Variants in ITGAE observed in about 807,000 individuals in gnomAD.
ITGAE encodes the protein integrin subunit alpha E, also known as integrin alpha-E.
A neutral mutation model predicts 136.5 loss-of-function variants in ITGAE; 99 were observed. The observed-to-expected ratio is 0.73, with a 90% CI of 0.62 to 0.86. The LOEUF (loss-of-function observed/expected upper bound fraction) is 0.86, where lower values mean the gene tolerates loss of function less well. Among genes scored for constraint, ITGAE ranks in the 40% least tolerant of loss-of-function variants. The pLI, the probability that ITGAE is intolerant of heterozygous loss-of-function variation, is 0.00. For synonymous variants in ITGAE, 613 were observed against 591.8 expected, an observed-to-expected ratio of 1.04 and a Z score of -0.52; for missense variants, 1,447 against 1,515.3, an observed-to-expected ratio of 0.95 and a Z score of 0.75.
rs1168470112 is a variant in ITGAE, at chr17:3,745,934, A to G, written c.2156-7T>C. ...AGAAGTGCCTCGCGGAGGCCTGGGA[A>G]TGAAGACCAGACCTTCCCGATGAGG... On this transcript the variant is annotated splice_region_variant and splice_polypyrimidine_tract_variant and intron_variant, in intron 17 of 30. Coordinates refer to ENST00000263087, the MANE Select transcript of ITGAE (RefSeq NM_002208.5). 3.7e-6 allele frequency: 6 copies of G among 1,612,602 alleles called. No individual in the cohort carries two copies. The highest frequency in any genetic ancestry group is 5.1e-6 in the Non-Finnish European group (6 of 1,179,430).
At chr17:3,740,790 T>A (rs886095778) in intron 19 of ITGAE, among the ~76,000 whole-genome samples, 11 of 152,256 alleles carry the variant, frequency 7.2e-5, no homozygotes, top group African/African-American at 2.4e-4. Context: ...TTCGTGTTTT[T>A]AAAAATTCCA....
intron 20 of ITGAE, among the ~76,000 whole-genome samples, chr17:3,735,586 A>T (rs2051443539): frequency 6.6e-6 from 1 of 152,202 alleles, no homozygotes; most frequent in Non-Finnish European, 1.5e-5. Flanking sequence ...CTGGGATTAC[A>T]GGTGTAAGCC....
chr17:3,721,476 C>T (rs1245734988), intron 28 of ITGAE, among the ~76,000 whole-genome samples: 1 of 151,522 alleles, frequency 6.6e-6, no homozygotes. Context: ...TGGGGTTTCA[C>T]TATGCTGCCC....
At chr17:3,749,318 G>A (rs970537744) in intron 16 of ITGAE, among the ~76,000 whole-genome samples, 6 of 151,586 alleles carry the variant, frequency 4.0e-5, no homozygotes, top group East Asian at 3.9e-4. Flanking sequence ...GCAGTGGCGC[G>A]ATCTCCGCTC....
intron 1 of ITGAE, among the ~76,000 whole-genome samples, chr17:3,789,459 T>A: frequency 1.0e-5 from 1 of 100,300 alleles, no homozygotes; most frequent in Non-Finnish European, 2.0e-5. Context: ...TCCTCCCCCC[T>A]CCCTCCCTCC....
At chr17:3,787,625 C>G (rs535034956) in intron 1 of ITGAE, among the ~76,000 whole-genome samples, 1 of 151,930 alleles carries the variant, frequency 6.6e-6, no homozygotes, top group South Asian at 2.1e-4. Flanking sequence ...TATGTCTAAC[C>G]GTGGAACTTC....
Position 3,734,934 on chromosome 17 carries a change from C to A in ITGAE, c.2538G>T (p.Val846=). 1 of 1,614,188 alleles carries A rather than the reference C, an allele frequency of 6.2e-7. No individual in the cohort carries two copies. The highest frequency in any genetic ancestry group is 1.1e-5 in the South Asian group (1 of 91,078). Residue 846 remains valine, a synonymous_variant, in exon 21 of 31, where the codon GTG becomes GTT. Coordinates refer to ENST00000263087, the MANE Select transcript of ITGAE (RefSeq NM_002208.5). ...TCAGGGTCAGCTCCTTTGTGAGACC[C>A]ACCACCAACTCCTGCCTGCACAGGG... ...ATTVSQQELV[V]GLTKELTLNI...
chr17:3,790,957 G>A (rs1011394731), intron 1 of ITGAE, among the ~76,000 whole-genome samples: 3 of 151,988 alleles, frequency 2.0e-5, no homozygotes, highest in East Asian at 3.9e-4. Context: ...GATCGAGACC[G>A]TCCTGGCTAA....
intron 1 of ITGAE, among the ~76,000 whole-genome samples, chr17:3,782,949 G>C (rs781072727): frequency 2.6e-5 from 4 of 152,116 alleles, no homozygotes; most frequent in Non-Finnish European, 5.9e-5. Flanking sequence ...ACAAATCTGC[G>C]TTGCATGTCA....
rs994031972 is a variant in ITGAE at position 3,799,979 on chromosome 17, C to T, written c.34+1132G>A. On this transcript the variant is annotated intron_variant, in intron 1 of 30. Coordinates refer to ENST00000263087, the MANE Select transcript of ITGAE (RefSeq NM_002208.5). The surrounding 1 kb of genome is among the most constrained non-coding windows in gnomAD (Gnocchi z 4.1). ...ACTAAAAATACAAAAATTAGCCAGGCGTGGTGGCAGGCGCCTGTAATCCCA... is the reference window on the plus strand; with the variant it reads ...ACTAAAAATACAAAAATTAGCCAGGTGTGGTGGCAGGCGCCTGTAATCCCA... Among the ~76,000 whole-genome samples, 3 of 152,030 alleles carry T rather than the reference C, an allele frequency of 2.0e-5. No homozygotes were observed. The highest frequency in any genetic ancestry group is 2.9e-5 in the Non-Finnish European group (2 of 67,976).
chr17:3,788,008 C>T (rs1033033757), intron 1 of ITGAE, among the ~76,000 whole-genome samples: 2 of 151,930 alleles, frequency 1.3e-5, no homozygotes, highest in African/African-American at 2.4e-5. Context: ...CTTTCTCTGA[C>T]GTCTGAAGTC....
rs1440441566 is a variant in ITGAE, at chr17:3,751,723, T to C, written c.1820A>G (p.Asp607Gly). 2 of 1,614,020 alleles carry C rather than the reference T, an allele frequency of 1.2e-6. No homozygotes were observed. The highest frequency in any genetic ancestry group is 1.7e-6 in the Non-Finnish European group (2 of 1,179,970). The stretch of plus-strand genomic sequence containing the variant: ...CACACTGCCGAAGCTGGCACCATCA[T>C]CTGCCCCAAAACCTTCCAGGGGGGC... ...IGAPLEGFGA[D>G]DGASFGSVYI... The change falls in exon 15 of 31, where the codon GAT (aspartate) becomes GGT (glycine). Residue 607 changes from aspartate (D) to glycine (G), a missense_variant. Physicochemically the swap from Asp to Gly is moderately conservative, Grantham distance 94. Transcript: ENST00000263087.
At chr17:3,781,695 G>C (rs2052671518) in intron 1 of ITGAE, among the ~76,000 whole-genome samples, 1 of 152,090 alleles carries the variant, frequency 6.6e-6, no homozygotes, top group African/African-American at 2.4e-5. Context: ...TGTCCATCTG[G>C]ATTTTATTTT....
intron 26 of ITGAE, chr17:3,725,056 C>T (rs750702517): frequency 1.7e-5 from 27 of 1,614,250 alleles, no homozygotes; most frequent in Non-Finnish European, 2.3e-5. Flanking sequence ...GACCTGACTC[C>T]TTTACAGAAT....
In ITGAE at chr17:3,777,909, A is replaced by G. The variant is rs558794164; in HGVS notation, c.35-249T>C. ...CAAGAAGCCGCCCCTAGCTCTCCCC[A>G]AAGAAGCACTTCCCACCTCCTCACG... On this transcript the variant is annotated intron_variant, in intron 1 of 30. Transcript: ENST00000263087. Among the ~76,000 whole-genome samples, 4 of 152,062 alleles carry G rather than the reference A, an allele frequency of 2.6e-5. No individual in the cohort carries two copies. The South Asian group carries it at 8.3e-4, about 32-fold the overall frequency.
chr17:3,771,292 G>A (rs748294900), intron 2 of ITGAE, among the ~76,000 whole-genome samples: 22 of 152,144 alleles, frequency 1.4e-4, no homozygotes, highest in Non-Finnish European at 2.1e-4. Flanking sequence ...GGAGCCCGAC[G>A]TAGCGGGGCA....
rs1406234465 is a variant in ITGAE at position 3,798,603 on chromosome 17, C to T, written c.34+2508G>A. Among the ~76,000 whole-genome samples, 1 of 152,208 alleles carries T rather than the reference C, an allele frequency of 6.6e-6. No individual in the cohort carries two copies. The highest frequency in any genetic ancestry group is 1.5e-5 in the Non-Finnish European group (1 of 68,022). On this transcript the variant is annotated intron_variant, in intron 1 of 30. Coordinates refer to ENST00000263087, the MANE Select transcript of ITGAE (RefSeq NM_002208.5). This position sits in a 1 kb window ranked among gnomAD's most constrained non-coding sequence, Gnocchi z 4.3. ...ACTGAGGTTTTCTATCACGCACAGG[C>T]CCGGGGTGATGCCCCGGCACAGCCC...
chr17:3,800,596 T>G (rs1314380093), intron 1 of ITGAE, among the ~76,000 whole-genome samples: 1 of 151,962 alleles, frequency 6.6e-6, no homozygotes, highest in Non-Finnish European at 1.5e-5. Flanking sequence ...GTTTTTACCC[T>G]GGGCCTGACA....
At chr17:3,724,375 G>T in intron 26 of ITGAE, 1 of 1,607,606 alleles carries the variant, frequency 6.2e-7, no homozygotes, top group Non-Finnish European at 8.5e-7. Flanking sequence ...GGCCGCCTCA[G>T]CCCGGACCTC....
Sources: allele counts gnomAD v4.1 joint callset (sites outside exome capture counted in the v4.1 genomes callset), GRCh38; gene constraint gnomAD v4.1.1; non-coding constraint Gnocchi (gnomAD v3.1); transcripts MANE v1.5; gene names NCBI Gene and HGNC (gene_info 2026-07-23, HGNC 2026-07-21).